Variants in BNC2 observed in about 807,000 individuals in gnomAD.
The protein encoded by BNC2 is basonuclin zinc finger protein 2, also known as zinc finger protein basonuclin-2.
Under a neutral mutation model 76.3 loss-of-function variants are expected in BNC2, and 20 were observed. The observed-to-expected ratio is 0.26, with a 90% CI of 0.18 to 0.38. BNC2 has a LOEUF of 0.38. BNC2 is among the 10% of genes least tolerant of loss of function. The probability of loss-of-function intolerance (pLI) is 1.00; values close to 1 mark genes in which losing one functional copy is unlikely to be tolerated. For missense variants in BNC2, 1,382 were observed against 1,399.8 expected, an observed-to-expected ratio of 0.99 and a Z score of 0.20; for synonymous variants, 582 against 514.8, an observed-to-expected ratio of 1.13 and a Z score of -1.77.
chr9:16,574,237 CAAGATA>C (rs1819420189), intron 4 of BNC2, among the ~76,000 whole-genome samples: 2 of 152,108 alleles, frequency 1.3e-5, no homozygotes, highest in South Asian at 4.2e-4. Flanking sequence ...GGATCGTTAG[CAAGATA>C]TAAAAATTTA....
intron 5 of BNC2, among the ~76,000 whole-genome samples, chr9:16,439,087 TG>T (rs1436255796): frequency 6.6e-6 from 1 of 152,194 alleles, no homozygotes; most frequent in Non-Finnish European, 1.5e-5. Context: ...CGCATGCTCT[TG>T]CCTGCTTCCA....
chr9:16,472,082 C>T (rs1821837551), intron 5 of BNC2, among the ~76,000 whole-genome samples: 1 of 152,094 alleles, frequency 6.6e-6, no homozygotes, highest in Non-Finnish European at 1.5e-5. Flanking sequence ...TTTTTGTTCC[C>T]AGTTTCAGTT....
In BNC2 at chr9:16,435,575, G is replaced by C; in HGVS notation, c.2619C>G (p.Pro873=). The change falls in exon 6 of 7, where the codon CCC becomes CCG. Residue 873 remains proline (P), a synonymous_variant. Coordinates refer to ENST00000380672, the MANE Select transcript of BNC2 (RefSeq NM_017637.6). ...CTVAGCNAAF[P]SRRSRDRHSA... is the part of the protein sequence containing the mutation. ...CTGACCTGTCTCGGCTTCGGCGAGA[G>C]GGGAATGCAGCATTGCAACCAGCCA... The C allele has an allele frequency of 1.9e-6, 3 of 1,614,036 alleles. No homozygotes were observed. The highest frequency in any genetic ancestry group is 1.7e-6 in the Non-Finnish European group (2 of 1,180,016).
At chr9:16,790,087 C>T (rs974005823) in intron 1 of BNC2, among the ~76,000 whole-genome samples, 1 of 152,164 alleles carries the variant, frequency 6.6e-6, no homozygotes, top group African/African-American at 2.4e-5. Context: ...GCAAGCTCCG[C>T]CTCCCAGGTT....
At chr9:16,797,429 C>T (rs987118190) in intron 1 of BNC2, among the ~76,000 whole-genome samples, 1 of 152,194 alleles carries the variant, frequency 6.6e-6, no homozygotes, top group South Asian at 2.1e-4. Context: ...GGCAAACACA[C>T]ATCACTAAAC....
intron 5 of BNC2, among the ~76,000 whole-genome samples, chr9:16,502,837 A>C (rs965539219): frequency 6.6e-6 from 1 of 152,230 alleles, no homozygotes; most frequent in Non-Finnish European, 1.5e-5. Context: ...CTTGATGAAG[A>C]GATGGGGTTA....
At position 16,443,031 on chromosome 9, in the gene BNC2, C is replaced by T. The variant is rs1821160338; in HGVS notation, c.670-5507G>A. On this transcript the variant is annotated intron_variant, in intron 5 of 6. Coordinates refer to ENST00000380672, the MANE Select transcript of BNC2 (RefSeq NM_017637.6). ...GCTGAGGCATGAGAATCACTTGAACCCAGGAAGTGAAGGTTGCAGAGTGAG... is the reference window on the plus strand; with the variant it reads ...GCTGAGGCATGAGAATCACTTGAACTCAGGAAGTGAAGGTTGCAGAGTGAG... Among the ~76,000 whole-genome samples the T allele has an allele frequency of 4.1e-5, 6 of 145,924 alleles. No homozygotes were observed. In the Admixed American group the frequency reaches 4.1e-4, roughly 10 times the overall value.
At chr9:16,811,500 C>A (rs191279942) in intron 1 of BNC2, among the ~76,000 whole-genome samples, 3 of 131,240 alleles carry the variant, frequency 2.3e-5, no homozygotes, top group African/African-American at 8.5e-5. Flanking sequence ...TGCGGTGAGC[C>A]GAGATCGAGC....
At chr9:16,854,542 T>A (rs1041407518) in intron 1 of BNC2, among the ~76,000 whole-genome samples, 1 of 152,190 alleles carries the variant, frequency 6.6e-6, no homozygotes, top group Non-Finnish European at 1.5e-5. Flanking sequence ...AGTTTCTAAG[T>A]CTTTTTTTTC....
chr9:16,528,175 A>C (rs1215055131), intron 5 of BNC2, among the ~76,000 whole-genome samples: 2 of 152,224 alleles, frequency 1.3e-5, no homozygotes, highest in Non-Finnish European at 2.9e-5. Flanking sequence ...AATAATTATT[A>C]CTTAAGATAA....
Position 16,589,854 on chromosome 9 carries a change from G to T in BNC2, c.331-6769C>A, listed in dbSNP as rs182776298. On this transcript the variant is annotated intron_variant, in intron 3 of 6. Coordinates refer to ENST00000380672, the MANE Select transcript of BNC2 (RefSeq NM_017637.6). ...CTTTCCCCTTGTTAATTTCTGGAGA[G>T]TATAGCAAGATTTACAATATGAATT... is the stretch of plus-strand genomic sequence containing the variant. 4.6e-5 allele frequency among the ~76,000 whole-genome samples: 7 copies of T among 152,212 alleles called. No individual in the cohort carries two copies. The East Asian group carries it at 1.2e-3, about 25-fold the overall frequency.
chr9:16,570,182 A>G (rs1453715119), intron 4 of BNC2, among the ~76,000 whole-genome samples: 1 of 152,232 alleles, frequency 6.6e-6, no homozygotes, highest in Non-Finnish European at 1.5e-5. Context: ...ATTTGATAAA[A>G]TATATGCTTT....
intron 4 of BNC2, among the ~76,000 whole-genome samples, chr9:16,573,595 G>T (rs867986173): frequency 2.6e-5 from 4 of 152,100 alleles, no homozygotes; most frequent in African/African-American, 9.7e-5. Flanking sequence ...AATTAGATGG[G>T]TTTGCATTTA....
chr9:16,675,708 A>T (rs1274844564), intron 3 of BNC2, among the ~76,000 whole-genome samples: 2 of 152,236 alleles, frequency 1.3e-5, no homozygotes, highest in Non-Finnish European at 2.9e-5. Context: ...ATTTTGGTTA[A>T]GTCTTAAAAG....
At chr9:16,675,815 G>C (rs1822621619) in intron 3 of BNC2, among the ~76,000 whole-genome samples, 1 of 152,078 alleles carries the variant, frequency 6.6e-6, no homozygotes, top group South Asian at 2.1e-4. Flanking sequence ...AAGGGAAGCC[G>C]AGGCAGATCG....
At chr9:16,687,093 G>A (rs1353047311) in intron 3 of BNC2, among the ~76,000 whole-genome samples, 2 of 152,108 alleles carry the variant, frequency 1.3e-5, no homozygotes, top group Non-Finnish European at 2.9e-5. Context: ...CTGAGGCTTA[G>A]AGTAGGTAAA....
intron 3 of BNC2, among the ~76,000 whole-genome samples, chr9:16,639,556 C>T (rs1821427441): frequency 6.6e-6 from 1 of 151,740 alleles, no homozygotes; most frequent in Non-Finnish European, 1.5e-5. Context: ...TTTTTATGTC[C>T]TTATTAACAA....
chr9:16,788,339 G>GA (rs1563943636), intron 1 of BNC2, among the ~76,000 whole-genome samples: 2 of 151,596 alleles, frequency 1.3e-5, no homozygotes, highest in Non-Finnish European at 3.0e-5. Flanking sequence ...AGATCATGAA[G>GA]TCAGGAGATC....
chr9:16,838,989 A>T (rs1054042647), intron 1 of BNC2, among the ~76,000 whole-genome samples: 1 of 152,212 alleles, frequency 6.6e-6, no homozygotes, highest in African/African-American at 2.4e-5. Flanking sequence ...AACACACGTG[A>T]AAGAAAACTA....
Sources: allele counts gnomAD v4.1 joint callset (sites outside exome capture counted in the v4.1 genomes callset), GRCh38; gene constraint gnomAD v4.1.1; transcripts MANE v1.5; gene names NCBI Gene and HGNC (gene_info 2026-07-23, HGNC 2026-07-21).